METTL2A: variants seen among roughly 807,000 people sequenced by gnomAD.
The protein encoded by METTL2A is tRNA N(3)-cytidine methyltransferase METTL2A.
METTL2A carries 45 observed loss-of-function variants against 49.4 expected under a neutral mutation model. The observed-to-expected ratio is 0.91, with a 90% CI of 0.72 to 1.17. The LOEUF is 1.17. Ranked by LOEUF, METTL2A falls within the 50% of genes most tolerant of loss-of-function variation. The pLI is 0.00. For synonymous variants in METTL2A, 118 were observed against 167.5 expected (o/e 0.70, Z 2.28); for missense variants, 361 against 462.2 (o/e 0.78, Z 2.01).
At chr17:62,427,638 A>G in intron 3 of METTL2A, 150 bp from the exon 4 acceptor site, 1 of 1,317,936 alleles carries the variant, frequency 7.6e-7, no homozygotes, top group Non-Finnish European at 1.0e-6. Flanking sequence ...AAAATCAACA[A>G]ATGTCATGAG....
rs567408117 is a variant in METTL2A, at chr17:62,424,687, TTGAAG to T, written c.202+381_202+385del. 1.8e-3 allele frequency among the ~76,000 whole-genome samples: 278 copies of T among 152,134 alleles called. 1 individual carries two copies. Among genetic ancestry groups the T allele is most frequent in the African/African-American group, 6.1e-3 (255 of 41,500 alleles). ...GGAGATGTTTTCCATTGAAGCTTCA[TTGAAG>T]TGATTAGATTCTAAATATTGTTGGG... On this transcript the variant is annotated intron_variant, in intron 2 of 8. Coordinates refer to ENST00000311506, the MANE Select transcript of METTL2A (RefSeq NM_181725.4).
intron 2 of METTL2A, among the ~76,000 whole-genome samples, chr17:62,426,079 G>A (rs2070623900): frequency 6.6e-6 from 1 of 151,900 alleles, no homozygotes; most frequent in Admixed American, 6.6e-5. Flanking sequence ...TGTTCAAACA[G>A]AATTTAGACT....
At chr17:62,431,187 G>A (rs1420821705) in intron 4 of METTL2A, among the ~76,000 whole-genome samples, 1 of 151,926 alleles carries the variant, frequency 6.6e-6, no homozygotes, top group Non-Finnish European at 1.5e-5. Context: ...TTTTAGTAGA[G>A]ATGAGCTTTC....
chr17:62,449,729 A>T lies in METTL2A; in HGVS notation c.*1000A>T, dbSNP rs549031313. 5.2e-5 allele frequency: 9 copies of T among 172,550 alleles called. No individual in the cohort carries two copies. The highest frequency in any genetic ancestry group is 3.5e-4 in the South Asian group (3 of 8,492). 10.7% of individuals were successfully genotyped at this position (172,550 alleles called of 1,614,324 possible). A position where few individuals can be genotyped will look rare whatever the true frequency, so the allele number is the denominator to read the frequency against. The stretch of plus-strand genomic sequence containing the variant: ...TGTCTCAAAAAAATAAAAATAAAAA[A>T]AAAATCTTAGTTCCATGGAATTTTA... On this transcript the variant is annotated 3_prime_UTR_variant, in exon 9 of 9. Coordinates refer to ENST00000311506, the MANE Select transcript of METTL2A (RefSeq NM_181725.4).
intron 3 of METTL2A, among the ~76,000 whole-genome samples, chr17:62,427,354 A>C (rs1328619855): frequency 1.3e-5 from 2 of 152,208 alleles, no homozygotes; most frequent in Admixed American, 1.3e-4. Context: ...GCACATAGTT[A>C]AGCCCTTAAT....
chr17:62,440,813 C>CTTT, intron 6 of METTL2A, 57 bp downstream of exon 6: 1 of 1,560,104 alleles, frequency 6.4e-7, no homozygotes, highest in Non-Finnish European at 8.7e-7. Context: ...GGTGAGGGAC[C>CTTT]TTTTTTTTTA....
chr17:62,436,655 T>TTGATATTGA (rs2070702303), intron 5 of METTL2A, among the ~76,000 whole-genome samples: 1 of 152,204 alleles, frequency 6.6e-6, no homozygotes, highest in East Asian at 1.9e-4. Flanking sequence ...CGGTCTTGCC[T>TTGATATTGA]TGATATTGAT....
chr17:62,451,604 A>G lies in METTL2A; in HGVS notation c.*2875A>G, dbSNP rs2070806199. ...TTAATGAAACCCCATCACTGCTAAC[A>G]ATACAGACCTGGCACGGTGGCTCAC... On this transcript the variant is annotated 3_prime_UTR_variant, in exon 9 of 9. Transcript: ENST00000311506. Among the ~76,000 whole-genome samples the G allele has an allele frequency of 6.6e-6, 1 of 151,856 alleles. No homozygotes were observed. Among genetic ancestry groups the G allele is most frequent in the African/African-American group, 2.4e-5 (1 of 41,400 alleles).
intron 6 of METTL2A, among the ~76,000 whole-genome samples, chr17:62,441,676 A>G (rs2070739548): frequency 6.7e-6 from 1 of 149,764 alleles, no homozygotes. Context: ...TAAACTCCTG[A>G]CCTTGTAATC....
intron 5 of METTL2A, among the ~76,000 whole-genome samples, chr17:62,436,382 A>G (rs530959958): frequency 6.6e-6 from 1 of 152,260 alleles, no homozygotes; most frequent in East Asian, 1.9e-4. Flanking sequence ...CCCCATCTCT[A>G]CTAAAGAAAA....
chr17:62,424,098 C>T (rs2070605842), intron 1 of METTL2A, 86 bp downstream of exon 1: 30 of 1,580,298 alleles, frequency 1.9e-5, no homozygotes, highest in South Asian at 3.4e-5. Flanking sequence ...TGACCGCCGG[C>T]CACGAGTCAA....
rs762253181 is a variant in METTL2A, at chr17:62,450,797, G to C, written c.*2068G>C. The C allele has an allele frequency of 6.6e-6, 1 of 152,178 alleles. No homozygotes were observed. Among genetic ancestry groups the C allele is most frequent in the Non-Finnish European group, 1.5e-5 (1 of 68,048 alleles). 9.4% of individuals were successfully genotyped at this position (152,178 alleles called of 1,614,324 possible). ...AGATGGTGCCATTGCACTCCAGCCTGGGTGACAAGAGCGAAACTGCATCTC... is the reference window on the plus strand; with the variant it reads ...AGATGGTGCCATTGCACTCCAGCCTCGGTGACAAGAGCGAAACTGCATCTC... On this transcript the variant is annotated 3_prime_UTR_variant, in exon 9 of 9. Transcript: ENST00000311506.
At position 62,449,000 on chromosome 17, in the gene METTL2A, G is replaced by C. The variant is rs1270855262; in HGVS notation, c.*271G>C. On this transcript the variant is annotated 3_prime_UTR_variant, in exon 9 of 9. Coordinates refer to ENST00000311506, the MANE Select transcript of METTL2A (RefSeq NM_181725.4). ...GACTTGAACCTTAAACCTAGGAAAA[G>C]TTACTTTGTATCAGGATTCTAACAA... is the stretch of plus-strand genomic sequence containing the variant. 3 of 360,530 alleles carry C rather than the reference G, an allele frequency of 8.3e-6. No homozygotes were observed. 22.3% of individuals were successfully genotyped at this position (360,530 alleles called of 1,614,324 possible).
intron 5 of METTL2A, among the ~76,000 whole-genome samples, chr17:62,435,649 C>T (rs2070695618): frequency 6.6e-6 from 1 of 152,162 alleles, no homozygotes; most frequent in South Asian, 2.1e-4. Flanking sequence ...TGTGATGTTA[C>T]TGTTGTACTT....
chr17:62,448,459 CCATGTAAAAAA>C (rs2070783041), intron 8 of METTL2A, 105 bp from the exon 9 acceptor site: 2 of 1,502,426 alleles, frequency 1.3e-6, no homozygotes, highest in Non-Finnish European at 1.8e-6. Flanking sequence ...AACCAAATGG[CCATGTAAAAAA>C]CATGACAGCA....
intron 5 of METTL2A, among the ~76,000 whole-genome samples, chr17:62,436,272 A>T (rs1325897008): frequency 6.6e-6 from 1 of 152,060 alleles, no homozygotes; most frequent in African/African-American, 2.4e-5. Context: ...TTGGTCGGCC[A>T]CAATGGCTTA....
At chr17:62,426,709 A>G (rs1344878855) in intron 3 of METTL2A, 55 bp downstream of exon 3, 5 of 1,039,296 alleles carry the variant, frequency 4.8e-6, no homozygotes, top group East Asian at 2.4e-5. Context: ...ATTTGTGCAC[A>G]TGAGGTAGCA....
At position 62,427,842 on chromosome 17, in the gene METTL2A, G is replaced by C; in HGVS notation, c.608+5G>C. ...TCCAATTTTACAAACGAACAAGTAA[G>C]TATGTTGTAAAAGTTTATGATAGCA... On this transcript the variant is annotated splice_donor_5th_base_variant and intron_variant, in intron 4 of 8. Coordinates refer to ENST00000311506, the MANE Select transcript of METTL2A (RefSeq NM_181725.4). The C allele has an allele frequency of 2.5e-6, 4 of 1,606,168 alleles. No homozygotes were observed. Among genetic ancestry groups the C allele is most frequent in the Non-Finnish European group, 3.4e-6 (4 of 1,177,208 alleles).
At chr17:62,445,924 A>G (rs1258824263) in intron 7 of METTL2A, among the ~76,000 whole-genome samples, 1 of 152,234 alleles carries the variant, frequency 6.6e-6, no homozygotes, top group East Asian at 1.9e-4. Context: ...TAATAGATAA[A>G]GACTTAATAT....
Sources: allele counts gnomAD v4.1 joint callset (sites outside exome capture counted in the v4.1 genomes callset), GRCh38; gene constraint gnomAD v4.1.1; transcripts MANE v1.5; gene names NCBI Gene and HGNC (gene_info 2026-07-23, HGNC 2026-07-21).